Variants in CLU observed in about 807,000 individuals in gnomAD.
CLU encodes the protein aging-associated protein 4.
In CLU, 25 loss-of-function variants were observed where a neutral mutation model predicts 46.4. The ratio of observed to expected loss-of-function variants is 0.54; its 90% CI spans 0.39 to 0.75. CLU has a LOEUF of 0.75. Ranked by LOEUF, CLU falls within the 30% of genes least tolerant of loss-of-function variation. The probability of loss-of-function intolerance (pLI) is 0.00; values close to 1 mark genes in which losing one functional copy is unlikely to be tolerated. For synonymous variants in CLU, 235 were observed against 235.1 expected (o/e 1.00, Z 0.00); for missense variants, 504 against 592.1 (o/e 0.85, Z 1.54).
At position 27,605,039 on chromosome 8, in the gene CLU, C is replaced by G. The variant is rs1034649402; in HGVS notation, c.714G>C (p.Leu238=). 2 of 1,613,890 alleles carry G rather than the reference C, an allele frequency of 1.2e-6. No individual in the cohort carries two copies. The highest frequency in any genetic ancestry group is 1.7e-5 in the Admixed American group (1 of 59,978). The change falls in exon 5 of 9, where the codon CTG becomes CTC. Residue 238 remains leucine (L), a synonymous_variant. Transcript: ENST00000316403. ...AGGGCTGGAACATGGCGTGGAAGTTCAGGGGCTCGTACGGAGAGAAGGGCA... is the reference window on the plus strand; with the variant it reads ...AGGGCTGGAACATGGCGTGGAAGTTGAGGGGCTCGTACGGAGAGAAGGGCA... ...SLMPFSPYEP[L]NFHAMFQPFL... is the part of the protein sequence containing the mutation.
intron 1 of CLU, among the ~76,000 whole-genome samples, chr8:27,612,944 A>C: frequency 1.3e-5 from 1 of 79,042 alleles, no homozygotes; most frequent in South Asian, 5.1e-4. Flanking sequence ...GAGGAGGAGG[A>C]GAAGATGGCG....
In CLU at chr8:27,597,391, T is replaced by C; in HGVS notation, c.*850A>G. ...CAGACTAAAAGCCGAGAAACGCCTG[T>C]GGTCCAGGGAAAGGTATGAAGATCA... On this transcript the variant is annotated 3_prime_UTR_variant, in exon 9 of 9. Transcript: ENST00000316403. 2.2e-6 allele frequency: 1 copy of C among 454,488 alleles called. No homozygotes were observed. The highest frequency in any genetic ancestry group is 4.4e-6 in the Non-Finnish European group (1 of 226,776). 28.2% of individuals were successfully genotyped at this position (454,488 alleles called of 1,614,324 possible). A position where few individuals can be genotyped will look rare whatever the true frequency, so the allele number is the denominator to read the frequency against.
intron 1 of CLU, among the ~76,000 whole-genome samples, chr8:27,613,358 C>T (rs1800962639): frequency 6.7e-6 from 1 of 149,418 alleles, no homozygotes; most frequent in South Asian, 2.1e-4. Flanking sequence ...TCTACTCCAG[C>T]CTGGGCAACA....
intron 3 of CLU, chr8:27,608,535 C>T (rs758487959): frequency 4.1e-5 from 14 of 344,422 alleles, no homozygotes; most frequent in South Asian, 1.3e-4. Context: ...TCTAGCAAGA[C>T]GTGGGGTGCT....
intron 6 of CLU, 22 bp downstream of exon 6, chr8:27,604,269 T>C: frequency 6.3e-7 from 1 of 1,598,638 alleles, no homozygotes; most frequent in Non-Finnish European, 8.6e-7. Flanking sequence ...GGGGACGGCT[T>C]GTGGTCTGGA....
At chr8:27,603,664 T>C (rs1446786045) in intron 6 of CLU, among the ~76,000 whole-genome samples, 1 of 152,226 alleles carries the variant, frequency 6.6e-6, no homozygotes, top group African/African-American at 2.4e-5. Context: ...ATTGCTTGGA[T>C]GCCCAGGTAC....
Position 27,606,381 on chromosome 8 carries a change from T to C in CLU, c.390A>G (p.Arg130=), listed in dbSNP as rs746907322. 1.9e-6 allele frequency: 3 copies of C among 1,614,210 alleles called. No homozygotes were observed. In the South Asian group the frequency reaches 3.3e-5, roughly 18 times the overall value. The change falls in exon 4 of 9, where the codon AGA becomes AGG. Residue 130 remains arginine (R), a synonymous_variant. Transcript: ENST00000316403. ...GGCGGCCAACCAGGCCTGAGCCACT[T>C]CTGCAGACGCGTGCGTAGAACTTCA... is the stretch of plus-strand genomic sequence containing the variant. ...TCMKFYARVC[R]SGSGLVGRQL...
intron 6 of CLU, among the ~76,000 whole-genome samples, chr8:27,601,688 C>A (rs60056423): frequency 0.21 from 32,428 of 152,034 alleles, 3,770 homozygotes; most frequent in Non-Finnish European, 0.26. Flanking sequence ...ATGATGACTG[C>A]AATCATTTAT....
chr8:27,610,804 G>A (rs1563389168), intron 1 of CLU: 1 of 564,926 alleles, frequency 1.8e-6, no homozygotes, highest in East Asian at 3.1e-5. Flanking sequence ...GGCAGGAGGT[G>A]CAGGGAGGGA....
intron 4 of CLU, among the ~76,000 whole-genome samples, chr8:27,605,907 G>A (rs1480764503): frequency 6.6e-6 from 1 of 152,092 alleles, no homozygotes; most frequent in African/African-American, 2.4e-5. Context: ...GGGTGTGGTG[G>A]TACGTGCCTG....
At position 27,597,699 on chromosome 8, in the gene CLU, C is replaced by T. The variant is rs536306764; in HGVS notation, c.*542G>A. The T allele has an allele frequency of 5.7e-5, 26 of 454,146 alleles. No individual in the cohort carries two copies. Among genetic ancestry groups the T allele is most frequent in the South Asian group, 2.6e-4 (17 of 64,466 alleles). The allele number at this position is 454,146 out of a possible 1,614,324, so 28.1% of individuals were successfully genotyped here. Reference sequence around the variant, plus strand: ...TTGTCGCACCTTGGTCAGAATACATCGACAGTTTTATAATAGAACAGAAAA... The same window carrying T: ...TTGTCGCACCTTGGTCAGAATACATTGACAGTTTTATAATAGAACAGAAAA... On this transcript the variant is annotated 3_prime_UTR_variant, in exon 9 of 9. Coordinates refer to ENST00000316403, the MANE Select transcript of CLU (RefSeq NM_001831.4).
intron 6 of CLU, among the ~76,000 whole-genome samples, chr8:27,603,708 A>C (rs1273822810): frequency 6.6e-6 from 1 of 152,118 alleles, no homozygotes; most frequent in Non-Finnish European, 1.5e-5. Flanking sequence ...AGAGGCTGCG[A>C]GGGGCCCCAG....
In CLU at chr8:27,604,370, G is replaced by A. The variant is rs750529144; in HGVS notation, c.855C>T (p.Cys285=). 2.5e-6 allele frequency: 4 copies of A among 1,614,058 alleles called. No individual in the cohort carries two copies. The highest frequency in any genetic ancestry group is 2.7e-5 in the African/African-American group (2 of 74,928). The change falls in exon 6 of 9, where the codon TGC becomes TGT. Residue 285 remains cysteine, a synonymous_variant. Coordinates refer to ENST00000316403, the MANE Select transcript of CLU (RefSeq NM_001831.4). The part of the protein sequence containing the change: ...IREGDDDRTV[C]REIRHNSTGC... ...CCGTGGAGTTGTGGCGGATCTCCCG[G>A]CACACAGTCCGGTCATCGTCGCCTT...
intron 6 of CLU, among the ~76,000 whole-genome samples, chr8:27,600,369 GGA>G (rs1312333435): frequency 6.6e-6 from 1 of 151,990 alleles, no homozygotes; most frequent in African/African-American, 2.4e-5. Flanking sequence ...TGAGTAGCTG[GGA>G]CTATAGGCAC....
At chr8:27,612,804 A>C (rs560919124) in intron 1 of CLU, among the ~76,000 whole-genome samples, 41 of 152,064 alleles carry the variant, frequency 2.7e-4, no homozygotes, top group Non-Finnish European at 1.5e-4. Flanking sequence ...GAGCCATGCC[A>C]AGGCCAAGGC....
chr8:27,611,922 G>A (rs1329299575), intron 1 of CLU: 1 of 364,230 alleles, frequency 2.7e-6, no homozygotes, highest in Admixed American at 3.6e-5. Flanking sequence ...ATGCCAGAGA[G>A]ACAAAGCCAG....
intron 6 of CLU, among the ~76,000 whole-genome samples, chr8:27,601,822 A>AGCCAGGCGTGCTG (rs111889942): frequency 0.32 from 47,963 of 151,966 alleles, 9,226 homozygotes; most frequent in African/African-American, 0.53. Flanking sequence ...AAGAAAAACT[A>AGCCAGGCGTGCTG]GCTCACACCT....
In CLU at chr8:27,598,635, C is replaced by T; in HGVS notation, c.1165G>A (p.Val389Met). The change falls in exon 8 of 9, where the codon GTG (valine) becomes ATG (methionine). Residue 389 changes from valine to methionine, a missense_variant and splice_region_variant. Val to Met is a conservative substitution (Grantham distance 21, BLOSUM62 1). Around this residue, in one of 3 missense-constraint regions of CLU, gnomAD observed 428 missense variants for 484.0 expected, o/e 0.88. Transcript: ENST00000316403. Reference protein sequence around the residue: ...EDQYYLRVTTVASHTSDSDVP... With the variant: ...EDQYYLRVTTMASHTSDSDVP... ...TCCGAGTCAGAAGTGTGGGAAGCCA[C>T]CTAAATGGAACAAGAGAAAAGGGAA... 1 of 1,613,962 alleles carries T rather than the reference C, an allele frequency of 6.2e-7. No individual in the cohort carries two copies. The highest frequency in any genetic ancestry group is 8.5e-7 in the Non-Finnish European group (1 of 1,180,008).
At chr8:27,604,420 G>A in intron 5 of CLU, 25 bp from the exon 6 acceptor site, 1 of 1,582,306 alleles carries the variant, frequency 6.3e-7, no homozygotes, top group Non-Finnish European at 8.7e-7. Flanking sequence ...GGGAAGAAGA[G>A]TCAGTCATCC....
Sources: gnomAD v4.1 joint callset for allele counts (sites outside exome capture counted in the v4.1 genomes callset) on GRCh38, gnomAD v4.1.1 for gene constraint, gnomAD v4.1.1 regional missense constraint, MANE v1.5 for transcripts, NCBI Gene and HGNC (gene_info 2026-07-23, HGNC 2026-07-21) for gene names.